The following AGFG1 variants were observed in gnomAD, a reference collection of about 807,000 sequenced individuals.
The protein encoded by AGFG1 is ArfGAP with FG repeats 1.
A neutral mutation model predicts 60.6 loss-of-function variants in AGFG1; 10 were observed. That is an observed-to-expected ratio of 0.16 (90% CI 0.10 to 0.28). The LOEUF (loss-of-function observed/expected upper bound fraction) is 0.28. Ranked by LOEUF, AGFG1 falls within the 10% of genes least tolerant of loss-of-function variation. The pLI is 1.00. For missense variants in AGFG1, 537 were observed against 676.5 expected, an observed-to-expected ratio of 0.79 and a Z score of 2.29; for synonymous variants, 247 against 242.9, an observed-to-expected ratio of 1.02 and a Z score of -0.16.
At position 227,559,393 on chromosome 2, in the gene AGFG1, A is replaced by T. The variant is rs1015490675; in HGVS notation, c.*4898A>T. On this transcript the variant is annotated 3_prime_UTR_variant, in exon 13 of 13. Transcript: ENST00000310078. The stretch of plus-strand genomic sequence containing the variant: ...GTCTGATTTTGAAGTCAGTTGTGTA[A>T]GTTTGGGCTGACAGTGGTATTTTCC... 6.6e-6 allele frequency: 1 copy of T among 152,178 alleles called. No homozygotes were observed. The highest frequency in any genetic ancestry group is 1.5e-5 in the Non-Finnish European group (1 of 68,036). 9.4% of individuals were successfully genotyped at this position (152,178 alleles called of 1,614,324 possible).
chr2:227,541,248 T>G lies in AGFG1; in HGVS notation c.1378+4255T>G, dbSNP rs554466071. ...CTTTTGTTGCCATTGCTTTTGGTGT[T>G]TTAGTCACGAAGTCCTTGCCCATTC... On this transcript the variant is annotated intron_variant, in intron 10 of 12. Transcript: ENST00000310078. Among the ~76,000 whole-genome samples the G allele has an allele frequency of 1.8e-4, 28 of 152,334 alleles. No homozygotes were observed. In the South Asian group the frequency reaches 5.8e-3, roughly 32 times the overall value.
At chr2:227,514,318 TCTC>T (rs1306234502) in intron 2 of AGFG1, among the ~76,000 whole-genome samples, 1 of 152,074 alleles carries the variant, frequency 6.6e-6, no homozygotes, top group African/African-American at 2.4e-5. Flanking sequence ...CTCAAGCAAT[TCTC>T]CTGCCTCAGC....
At chr2:227,533,821 AT>A in intron 7 of AGFG1, 63 bp downstream of exon 7, 1 of 1,444,582 alleles carries the variant, frequency 6.9e-7, no homozygotes. Context: ...ATTTGGTTGT[AT>A]TTATTAAAAT....
At chr2:227,519,513 T>C (rs967211071) in intron 2 of AGFG1, among the ~76,000 whole-genome samples, 5 of 152,202 alleles carry the variant, frequency 3.3e-5, no homozygotes, top group African/African-American at 1.2e-4. Flanking sequence ...CTTATATTTG[T>C]GTTTATTGTT....
intron 2 of AGFG1, among the ~76,000 whole-genome samples, chr2:227,519,503 CTTATA>C: frequency 6.6e-6 from 1 of 152,098 alleles, no homozygotes; most frequent in Admixed American, 6.5e-5. Flanking sequence ...GTGTGTTTGC[CTTATA>C]TTTGTGTTTA....
chr2:227,481,914 GGA>G (rs1690478701), intron 1 of AGFG1, among the ~76,000 whole-genome samples: 1 of 133,040 alleles, frequency 7.5e-6, no homozygotes, highest in African/African-American at 2.9e-5. Context: ...TGCCCAGGTT[GGA>G]GTGCAGGGGC....
chr2:227,487,881 C>T (rs1206640661), intron 1 of AGFG1, among the ~76,000 whole-genome samples: 1 of 152,152 alleles, frequency 6.6e-6, no homozygotes, highest in African/African-American at 2.4e-5. Context: ...ATGTACAAAG[C>T]TTTTGAAGGC....
At chr2:227,516,247 AT>A (rs1377153240) in intron 2 of AGFG1, among the ~76,000 whole-genome samples, 4 of 152,196 alleles carry the variant, frequency 2.6e-5, no homozygotes, top group Non-Finnish European at 4.4e-5. Context: ...AGAGGGACTG[AT>A]TTCACATGTC....
chr2:227,478,922 AATAATTCT>A (rs1559164164), intron 1 of AGFG1, among the ~76,000 whole-genome samples: 1 of 152,214 alleles, frequency 6.6e-6, no homozygotes, highest in Admixed American at 6.5e-5. Context: ...TTTACATGGA[AATAATTCT>A]TCTCACTCAT....
rs1284529261 is a variant in AGFG1 at position 227,556,763 on chromosome 2, T to C, written c.*2268T>C. 1 of 152,336 alleles carries C rather than the reference T, an allele frequency of 6.6e-6. No individual in the cohort carries two copies. Among genetic ancestry groups the C allele is most frequent in the African/African-American group, 2.4e-5 (1 of 41,400 alleles). 9.4% of individuals were successfully genotyped at this position (152,336 alleles called of 1,614,324 possible). ...TAAATTAGCGCTTATAAAATAAAAATGTTTAGTTCAAGAAGAGACCCAAGC... is the reference window on the plus strand; with the variant it reads ...TAAATTAGCGCTTATAAAATAAAAACGTTTAGTTCAAGAAGAGACCCAAGC... On this transcript the variant is annotated 3_prime_UTR_variant, in exon 13 of 13. Coordinates refer to ENST00000310078, the MANE Select transcript of AGFG1 (RefSeq NM_004504.5).
chr2:227,530,996 A>T (rs913824314), intron 5 of AGFG1, 95 bp from the exon 6 acceptor site: 85 of 1,158,906 alleles, frequency 7.3e-5, no homozygotes, highest in Non-Finnish European at 9.5e-5. Flanking sequence ...TTTGATACAT[A>T]GAAACTTTTC....
In AGFG1 at chr2:227,472,577, C is replaced by T. The variant is rs1690124783; in HGVS notation, c.156C>T (p.Cys52=). The change falls in exon 1 of 13, where the codon TGC becomes TGT. Residue 52 remains cysteine (C), a synonymous_variant. Transcript: ENST00000310078. ...TCGGCTCCTTCGTGTGTACCTCCTG[C>T]TCCGGCAGCCTGTGAGTGCGGGGCG... ...MTVGSFVCTS[C]SGSLRGLNPP... is the part of the protein sequence containing the mutation. 4 of 1,575,470 alleles carry T rather than the reference C, an allele frequency of 2.5e-6. No homozygotes were observed. Among genetic ancestry groups the T allele is most frequent in the Non-Finnish European group, 3.4e-6 (4 of 1,160,922 alleles).
chr2:227,490,556 C>G (rs958080378), intron 1 of AGFG1, among the ~76,000 whole-genome samples: 1 of 142,780 alleles, frequency 7.0e-6, no homozygotes, highest in Non-Finnish European at 1.5e-5. Flanking sequence ...CCAGCCTGGG[C>G]GACAGAGCGA....
Position 227,552,014 on chromosome 2 carries a change from T to C in AGFG1, c.1434T>C (p.Ala478=). ...TGCCCACAGGATTCGGCACTCCTGC[T>C]CCCTACAGTCTTCCCACCAGCTTTA... is the stretch of plus-strand genomic sequence containing the variant. ...MSMPTGFGTP[A]PYSLPTSFSG... Residue 478 remains alanine, a synonymous_variant, in exon 11 of 13, where the codon GCT becomes GCC. Transcript: ENST00000310078. 6.2e-7 allele frequency: 1 copy of C among 1,614,176 alleles called. No homozygotes were observed. Among genetic ancestry groups the C allele is most frequent in the East Asian group, 2.2e-5 (1 of 44,880 alleles).
At chr2:227,520,502 G>C (rs994426560) in intron 3 of AGFG1, among the ~76,000 whole-genome samples, 1 of 152,128 alleles carries the variant, frequency 6.6e-6, no homozygotes, top group Non-Finnish European at 1.5e-5. Flanking sequence ...TTAATTGTCT[G>C]TTGTAGCCTT....
intron 2 of AGFG1, among the ~76,000 whole-genome samples, chr2:227,509,835 A>G (rs935096153): frequency 6.6e-6 from 1 of 152,224 alleles, no homozygotes; most frequent in African/African-American, 2.4e-5. Flanking sequence ...AGCCAACTAC[A>G]TATTTAGCAT....
At chr2:227,503,575 C>T (rs777190510) in intron 2 of AGFG1, among the ~76,000 whole-genome samples, 14 of 152,178 alleles carry the variant, frequency 9.2e-5, no homozygotes, top group Non-Finnish European at 1.6e-4. Context: ...ATTTCTCCCT[C>T]CACTGTTGGC....
chr2:227,535,057 T>C, intron 8 of AGFG1, 32 bp downstream of exon 8: 1 of 1,470,132 alleles, frequency 6.8e-7, no homozygotes, highest in South Asian at 1.5e-5. Flanking sequence ...TCCTGCTTTG[T>C]GTTTTATCTT....
In AGFG1 at chr2:227,552,027, C is replaced by T. The variant is rs1163355944; in HGVS notation, c.1447C>T (p.Pro483Ser). Residue 483 changes from proline (P) to serine (S), a missense_variant, in exon 11 of 13, where the codon CCC becomes TCC. Physicochemically the swap from Pro to Ser is moderately conservative, Grantham distance 74. Transcript: ENST00000310078. The part of the protein sequence containing the change: ...GFGTPAPYSL[P>S]TSFSGSFQQP... The stretch of plus-strand genomic sequence containing the variant: ...CGGCACTCCTGCTCCCTACAGTCTT[C>T]CCACCAGCTTTAGTGGCAGCTTTCA... 6.2e-7 allele frequency: 1 copy of T among 1,614,172 alleles called. No homozygotes were observed. Among genetic ancestry groups the T allele is most frequent in the Non-Finnish European group, 8.5e-7 (1 of 1,180,022 alleles).
Sources: allele counts gnomAD v4.1 joint callset (sites outside exome capture counted in the v4.1 genomes callset), GRCh38; gene constraint gnomAD v4.1.1; transcripts MANE v1.5; gene names NCBI Gene and HGNC (gene_info 2026-07-23, HGNC 2026-07-21).